Variants in ZNF618 observed in about 807,000 individuals in gnomAD.
ZNF618 encodes zinc finger protein 618, also known as neural precursor cell expressed, developmentally down-regulated 10.
In ZNF618, 34 loss-of-function variants were observed where a neutral mutation model predicts 103.0. That is an observed-to-expected ratio of 0.33 (90% CI 0.25 to 0.44). The LOEUF is 0.44. ZNF618 is among the 20% of genes least tolerant of loss of function. The pLI, the probability that ZNF618 is intolerant of heterozygous loss-of-function variation, is 1.00. For synonymous variants in ZNF618, 551 were observed against 542.2 expected, an observed-to-expected ratio of 1.02 and a Z score of -0.23; for missense variants, 1,059 against 1,295.4, an observed-to-expected ratio of 0.82 and a Z score of 2.80.
intron 9 of ZNF618, among the ~76,000 whole-genome samples, chr9:114,010,851 C>T (rs1392533911): frequency 1.3e-5 from 2 of 152,148 alleles, no homozygotes; most frequent in African/African-American, 4.8e-5. Context: ...CTCTTCCAAC[C>T]GTGTCATTTT....
rs1186571744 is a variant in ZNF618 at position 114,049,169 on chromosome 9, A to C, written c.1867A>C (p.Thr623Pro). ...GTACGTGACGGATTGCCGGGTGAGC[A>C]CGTCCGCCTTCTCCAAGGCCGGCAT... Reference protein sequence around the residue: ...TVYVTDCRVSTSAFSKAGMCL... With the variant: ...TVYVTDCRVSPSAFSKAGMCL... Residue 623 changes from threonine to proline, a missense_variant, in exon 15 of 15, where the codon ACG (threonine) becomes CCG (proline). Thr to Pro is a conservative substitution (Grantham distance 38). This residue lies in a region of ZNF618 where 272 missense variants were observed against 380.1 expected (regional missense o/e 0.72). Coordinates refer to ENST00000374126, the MANE Select transcript of ZNF618 (RefSeq NM_001318042.2). 1.9e-6 allele frequency: 3 copies of C among 1,613,806 alleles called. No homozygotes were observed. The highest frequency in any genetic ancestry group is 1.1e-5 in the South Asian group (1 of 91,080).
At chr9:113,876,902 A>T (rs1587897852) in intron 1 of ZNF618, among the ~76,000 whole-genome samples, 1 of 142,212 alleles carries the variant, frequency 7.0e-6, no homozygotes, top group African/African-American at 2.6e-5. Context: ...TTCCTTTCTC[A>T]ATTTTTTTTT....
At chr9:113,990,601 A>G (rs1354334814) in intron 3 of ZNF618, among the ~76,000 whole-genome samples, 1 of 152,198 alleles carries the variant, frequency 6.6e-6, no homozygotes, top group Admixed American at 6.5e-5. Flanking sequence ...AAAAGCTGTC[A>G]TGTAGAATGC....
intron 2 of ZNF618, among the ~76,000 whole-genome samples, chr9:113,974,485 A>G (rs1208028727): frequency 6.6e-6 from 1 of 152,210 alleles, no homozygotes; most frequent in Non-Finnish European, 1.5e-5. Context: ...TGGTTTTAAA[A>G]GGATCATTCT....
At chr9:113,907,725 G>T (rs1206561327) in intron 1 of ZNF618, among the ~76,000 whole-genome samples, 1 of 152,188 alleles carries the variant, frequency 6.6e-6, no homozygotes, top group African/African-American at 2.4e-5. Context: ...ACAGTTGAAT[G>T]TCTAACCAAC....
intron 1 of ZNF618, among the ~76,000 whole-genome samples, chr9:113,942,214 T>C (rs1351765962): frequency 6.6e-6 from 1 of 152,076 alleles, no homozygotes; most frequent in African/African-American, 2.4e-5. Flanking sequence ...CTGAAAATGA[T>C]GGAGCTTGAT....
At position 114,013,057 on chromosome 9, in the gene ZNF618, G is replaced by A. The variant is rs532744183; in HGVS notation, c.755-3638G>A. Reference sequence around the variant, plus strand: ...TAGGTTACCTATACATGAATTCAAGGTGGACTTGCCTCAGACTTCTCTGCA... The same window carrying A: ...TAGGTTACCTATACATGAATTCAAGATGGACTTGCCTCAGACTTCTCTGCA... On this transcript the variant is annotated intron_variant, in intron 9 of 14. Coordinates refer to ENST00000374126, the MANE Select transcript of ZNF618 (RefSeq NM_001318042.2). Among the ~76,000 whole-genome samples the A allele has an allele frequency of 3.9e-5, 6 of 152,096 alleles. No homozygotes were observed. The East Asian group carries it at 1.2e-3, about 29-fold the overall frequency.
At chr9:114,037,288 G>T (rs761751303) in intron 13 of ZNF618, among the ~76,000 whole-genome samples, 50 of 152,240 alleles carry the variant, frequency 3.3e-4, no homozygotes, top group South Asian at 1.0e-3. Context: ...TCCTCCTCTA[G>T]ATCTTCAGCA....
chr9:113,971,554 T>C (rs1837967369), intron 2 of ZNF618, among the ~76,000 whole-genome samples: 2 of 152,174 alleles, frequency 1.3e-5, no homozygotes, highest in Admixed American at 1.3e-4. Context: ...TCGAAGTACT[T>C]CGTGAATGAA....
intron 2 of ZNF618, among the ~76,000 whole-genome samples, chr9:113,978,208 A>G (rs545243386): frequency 1.3e-5 from 2 of 152,364 alleles, no homozygotes; most frequent in East Asian, 3.9e-4. Flanking sequence ...TTTGAAACTT[A>G]GGCGGAATAG....
chr9:114,041,541 A>C (rs1175173701), intron 13 of ZNF618, among the ~76,000 whole-genome samples: 1 of 152,216 alleles, frequency 6.6e-6, no homozygotes, highest in Non-Finnish European at 1.5e-5. Flanking sequence ...TCAGCTTTCT[A>C]CATATGGCTA....
At chr9:113,935,783 C>T (rs1041367852) in intron 1 of ZNF618, among the ~76,000 whole-genome samples, 3 of 152,132 alleles carry the variant, frequency 2.0e-5, no homozygotes, top group African/African-American at 7.2e-5. Context: ...GTGCTGTGTA[C>T]TCAGGACCTG....
intron 1 of ZNF618, among the ~76,000 whole-genome samples, chr9:113,911,194 T>A (rs1408710284): frequency 6.6e-6 from 1 of 152,198 alleles, no homozygotes; most frequent in African/African-American, 2.4e-5. Context: ...TTGTTTTTCT[T>A]TGTTATAACA....
intron 1 of ZNF618, among the ~76,000 whole-genome samples, chr9:113,882,727 A>G (rs1395028389): frequency 6.6e-6 from 1 of 152,158 alleles, no homozygotes; most frequent in Non-Finnish European, 1.5e-5. Context: ...CAAGGCTTTA[A>G]AAGGGATACA....
intron 13 of ZNF618, among the ~76,000 whole-genome samples, chr9:114,039,108 C>T (rs1844890510): frequency 6.6e-6 from 1 of 152,152 alleles, no homozygotes; most frequent in Non-Finnish European, 1.5e-5. Context: ...AACTCCAGAG[C>T]CCATGCTCTC....
intron 2 of ZNF618, among the ~76,000 whole-genome samples, chr9:113,976,986 A>T (rs908135885): frequency 1.3e-5 from 2 of 152,084 alleles, no homozygotes; most frequent in African/African-American, 4.8e-5. Flanking sequence ...CCTTGTAAGG[A>T]CTGGATCATG....
chr9:113,969,238 C>A, intron 2 of ZNF618, 78 bp downstream of exon 2: 1 of 1,552,646 alleles, frequency 6.4e-7, no homozygotes, highest in Non-Finnish European at 8.9e-7. Flanking sequence ...ACTCTCTGGT[C>A]CTCATCTTCC....
intron 12 of ZNF618, among the ~76,000 whole-genome samples, chr9:114,033,389 A>AAGAGAGAG (rs10624141): frequency 0.022 from 3,304 of 147,138 alleles, 52 homozygotes; most frequent in Non-Finnish European, 0.031. Context: ...CTGTCTCAAA[A>AAGAGAGAG]AGAGAGAGAG....
At chr9:113,904,998 A>C (rs1398881742) in intron 1 of ZNF618, among the ~76,000 whole-genome samples, 1 of 152,126 alleles carries the variant, frequency 6.6e-6, no homozygotes, top group Non-Finnish European at 1.5e-5. Context: ...TAGGACGCAC[A>C]TGTCTTTGTT....
Sources: gnomAD v4.1 joint callset for allele counts (sites outside exome capture counted in the v4.1 genomes callset) on GRCh38, gnomAD v4.1.1 for gene constraint, gnomAD v4.1.1 regional missense constraint, MANE v1.5 for transcripts, NCBI Gene and HGNC (gene_info 2026-07-23, HGNC 2026-07-21) for gene names.